The following IL1RAPL2 variants were observed in gnomAD, a reference collection of about 807,000 sequenced individuals.
IL1RAPL2 encodes the protein X-linked interleukin-1 receptor accessory protein-like 2.
A neutral mutation model predicts 44.1 loss-of-function variants in IL1RAPL2; 3 were observed. The observed-to-expected ratio is 0.07, with a 90% CI of 0.03 to 0.18. The LOEUF (loss-of-function observed/expected upper bound fraction) is 0.18, where lower values mean the gene tolerates loss of function less well. Among genes scored for constraint, IL1RAPL2 ranks in the 10% least tolerant of loss-of-function variants. IL1RAPL2 has a pLI of 1.00. For synonymous variants in IL1RAPL2, 181 were observed against 178.8 expected (o/e 1.01, Z -0.10); for missense variants, 391 against 496.4 (o/e 0.79, Z 2.02).
chrX:104,627,376 T>A (rs755291354), intron 1 of IL1RAPL2, among the ~76,000 whole-genome samples: 1 of 105,923 alleles, frequency 9.4e-6, no homozygotes, highest in Admixed American at 1.0e-4. Flanking sequence ...GAGATATACC[T>A]AATGTAAATG....
intron 1 of IL1RAPL2, among the ~76,000 whole-genome samples, chrX:104,601,345 C>G (rs1307987830): frequency 9.4e-6 from 1 of 106,585 alleles, no homozygotes; most frequent in Non-Finnish European, 1.9e-5. Flanking sequence ...TTCCATTGTT[C>G]AATTCCCACC....
At chrX:104,955,379 G>A (rs952536214) in intron 2 of IL1RAPL2, among the ~76,000 whole-genome samples, 4 of 109,666 alleles carry the variant, frequency 3.6e-5, no homozygotes, top group African/African-American at 1.3e-4. Context: ...TTTCTATGTA[G>A]ATAGTCCTTT....
intron 2 of IL1RAPL2, among the ~76,000 whole-genome samples, chrX:104,814,029 T>C (rs991494355): frequency 3.6e-5 from 4 of 111,399 alleles, no homozygotes; most frequent in African/African-American, 1.3e-4. Flanking sequence ...TTAAATTTGT[T>C]CCATCTCTTT....
intron 1 of IL1RAPL2, among the ~76,000 whole-genome samples, chrX:104,646,441 C>A (rs1930042229): frequency 1.8e-5 from 2 of 110,416 alleles, no homozygotes; most frequent in Admixed American, 9.7e-5. Flanking sequence ...GTATTTTCTA[C>A]ATAGAGAATG....
intron 2 of IL1RAPL2, among the ~76,000 whole-genome samples, chrX:104,742,788 A>G (rs1271885700): frequency 9.0e-6 from 1 of 111,652 alleles, no homozygotes; most frequent in Admixed American, 9.5e-5. Context: ...CCTTTGACCC[A>G]TGGTGATAGA....
At chrX:104,967,791 A>T (rs1439337187) in intron 2 of IL1RAPL2, among the ~76,000 whole-genome samples, 4 of 111,455 alleles carry the variant, frequency 3.6e-5, no homozygotes, top group African/African-American at 1.3e-4. Flanking sequence ...ATACATGAGA[A>T]CTTAGACAAA....
chrX:104,647,914 A>T (rs773540629), intron 1 of IL1RAPL2: 55 of 655,678 alleles, frequency 8.4e-5, no homozygotes, highest in Non-Finnish European at 1.1e-4. Flanking sequence ...CAGCATCCAC[A>T]TTATATAAGG....
chrX:105,695,414 C>T (rs184794779), intron 6 of IL1RAPL2, among the ~76,000 whole-genome samples: 4 of 111,769 alleles, frequency 3.6e-5, no homozygotes, highest in Admixed American at 9.5e-5. Flanking sequence ...ATGAGGCTTA[C>T]AGCTAGATGA....
In IL1RAPL2 at chrX:105,158,749, A is replaced by T. The variant is rs529522980; in HGVS notation, c.83-36726A>T. ...TTTTCAGGGGGTGGCTTGAATAGGA[A>T]AAGGGAACTCTTTTAGAGAGTCACA... On this transcript the variant is annotated intron_variant, in intron 2 of 10. Transcript: ENST00000372582. Among the ~76,000 whole-genome samples the T allele has an allele frequency of 8.9e-4, 100 of 112,177 alleles. No individual in the cohort carries two copies. In the South Asian group the frequency reaches 0.036, roughly 41 times the overall value.
chrX:104,647,770 T>A, intron 1 of IL1RAPL2: 1 of 539,045 alleles, frequency 1.9e-6, no homozygotes, highest in Non-Finnish European at 3.4e-6. Context: ...CAGTGATGAC[T>A]GGTACATTAA....
At chrX:105,173,828 G>A (rs900896285) in intron 2 of IL1RAPL2, among the ~76,000 whole-genome samples, 1 of 109,450 alleles carries the variant, frequency 9.1e-6, no homozygotes, top group Non-Finnish European at 1.9e-5. Context: ...CGCCGCCCAG[G>A]TTCTTGCAAT....
intron 5 of IL1RAPL2, among the ~76,000 whole-genome samples, chrX:105,428,595 A>G (rs750120766): frequency 8.9e-6 from 1 of 112,014 alleles, no homozygotes; most frequent in Admixed American, 9.5e-5. Flanking sequence ...GAAAACAATC[A>G]ATGGTATTTA....
chrX:104,655,038 T>C (rs961727807), intron 1 of IL1RAPL2, among the ~76,000 whole-genome samples: 11 of 111,996 alleles, frequency 9.8e-5, no homozygotes, highest in African/African-American at 3.2e-4. Context: ...CCTGAGACTT[T>C]GCTGAAGTTG....
chrX:104,885,934 C>T (rs1923227542), intron 2 of IL1RAPL2, among the ~76,000 whole-genome samples: 1 of 113,189 alleles, frequency 8.8e-6, no homozygotes, highest in East Asian at 2.8e-4. Context: ...GATGATCCAA[C>T]AACAGGACCG....
intron 6 of IL1RAPL2, among the ~76,000 whole-genome samples, chrX:105,562,833 A>G (rs2036949217): frequency 8.9e-6 from 1 of 112,070 alleles, no homozygotes; most frequent in African/African-American, 3.2e-5. Context: ...TAGTTAATTC[A>G]TCCAGTCAAT....
At chrX:104,764,275 C>G (rs1569310369) in intron 2 of IL1RAPL2, among the ~76,000 whole-genome samples, 1 of 110,292 alleles carries the variant, frequency 9.1e-6, no homozygotes, top group East Asian at 2.9e-4. Flanking sequence ...AGATTTTTTA[C>G]TTCTTTGGTT....
intron 2 of IL1RAPL2, among the ~76,000 whole-genome samples, chrX:104,906,923 T>A (rs1369361472): frequency 2.7e-5 from 3 of 111,679 alleles, no homozygotes; most frequent in Admixed American, 9.5e-5. Context: ...CTGTGAATCC[T>A]TCTGGTCCTG....
intron 6 of IL1RAPL2, among the ~76,000 whole-genome samples, chrX:105,491,842 C>G (rs1306374433): frequency 8.9e-6 from 1 of 111,814 alleles, no homozygotes; most frequent in Non-Finnish European, 1.9e-5. Flanking sequence ...GTTTCTATAA[C>G]AGCTGTGCTT....
At chrX:105,228,636 T>A (rs933418302) in intron 3 of IL1RAPL2, among the ~76,000 whole-genome samples, 2 of 112,595 alleles carry the variant, frequency 1.8e-5, no homozygotes, top group Admixed American at 1.9e-4. Flanking sequence ...AATTTTCTAA[T>A]TCTGTGCTAT....
Sources: gnomAD v4.1 joint callset for allele counts (sites outside exome capture counted in the v4.1 genomes callset) on GRCh38, gnomAD v4.1.1 for gene constraint, MANE v1.5 for transcripts, NCBI Gene and HGNC (gene_info 2026-07-23, HGNC 2026-07-21) for gene names.